The following LMO7 variants were observed in gnomAD, a reference collection of about 807,000 sequenced individuals.
LMO7 encodes LIM domain 7, also known as LIM domain only protein 7.
In LMO7, 120 loss-of-function variants were observed where a neutral mutation model predicts 206.5. That is an observed-to-expected ratio of 0.58 (90% confidence interval 0.50 to 0.68). The LOEUF (loss-of-function observed/expected upper bound fraction) is 0.68. Ranked by LOEUF, LMO7 falls within the 30% of genes least tolerant of loss-of-function variation. The probability of loss-of-function intolerance (pLI) is 0.00; values close to 1 mark genes in which losing one functional copy is unlikely to be tolerated. For missense variants in LMO7, 1,959 were observed against 1,957.9 expected (o/e 1.00, Z -0.01); for synonymous variants, 706 against 681.5 (o/e 1.04, Z -0.56).
intron 1 of LMO7, among the ~76,000 whole-genome samples, chr13:75,693,661 G>T (rs543920738): frequency 1.4e-4 from 21 of 152,282 alleles, no homozygotes; most frequent in Admixed American, 9.2e-4. Flanking sequence ...TCCTGTCAAG[G>T]CATTTGTTAG....
At chr13:75,654,511 G>A (rs1263666860) in intron 1 of LMO7, among the ~76,000 whole-genome samples, 1 of 152,162 alleles carries the variant, frequency 6.6e-6, no homozygotes, top group African/African-American at 2.4e-5. Flanking sequence ...CCTTGGCACA[G>A]GAAGGGAGGT....
intron 1 of LMO7, among the ~76,000 whole-genome samples, chr13:75,622,045 C>T (rs1314415829): frequency 6.6e-6 from 1 of 152,082 alleles, no homozygotes. Context: ...TATCCCCGGG[C>T]ATTTTCTTGT....
At chr13:75,728,786 T>G (rs959439040) in intron 3 of LMO7, among the ~76,000 whole-genome samples, 1 of 138,324 alleles carries the variant, frequency 7.2e-6, no homozygotes, top group Non-Finnish European at 1.5e-5. Context: ...TTAATCCATC[T>G]TGAATTAATT....
At chr13:75,754,345 T>G (rs1442437786) in intron 3 of LMO7, among the ~76,000 whole-genome samples, 2 of 152,216 alleles carry the variant, frequency 1.3e-5, no homozygotes, top group Non-Finnish European at 1.5e-5. Flanking sequence ...CTTCATTCCT[T>G]TTTATGGCTG....
At chr13:75,833,213 C>A in intron 16 of LMO7, 48 bp downstream of exon 16, 1 of 1,101,860 alleles carries the variant, frequency 9.1e-7, no homozygotes, top group Non-Finnish European at 1.4e-6. Context: ...CTTTTCTATC[C>A]TTCATTGTGG....
At position 75,626,975 on chromosome 13, in the gene LMO7, G is replaced by A. The variant is rs374865123; in HGVS notation, c.225+3655G>A. Reference sequence around the variant, plus strand: ...CTAAAATATTACTGCTATCCACCTTGTAGTCATAGAATAGGGGAATGAAGG... The same window carrying A: ...CTAAAATATTACTGCTATCCACCTTATAGTCATAGAATAGGGGAATGAAGG... On this transcript the variant is annotated intron_variant, in intron 2 of 29. Coordinates refer to the LMO7 transcript ENST00000341547. The A allele has an allele frequency of 1.7e-4, 26 of 152,182 alleles. No homozygotes were observed. In the East Asian group the frequency reaches 1.9e-3, roughly 11 times the overall value. 9.4% of individuals were successfully genotyped at this position (152,182 alleles called of 1,614,324 possible). A position where few individuals can be genotyped will look rare whatever the true frequency, so the allele number is the denominator to read the frequency against.
intron 30 of LMO7, 28 bp from the exon 31 acceptor site, chr13:75,857,893 T>A: frequency 6.4e-7 from 1 of 1,554,010 alleles, no homozygotes; most frequent in Non-Finnish European, 8.8e-7. Flanking sequence ...TCTAAGCACT[T>A]TTCTTTCTTT....
chr13:75,664,096 T>C (rs189696812), intron 1 of LMO7, among the ~76,000 whole-genome samples: 31 of 152,286 alleles, frequency 2.0e-4, no homozygotes, highest in African/African-American at 7.5e-4. Context: ...TTTGATTTTT[T>C]TGTAACCATT....
intron 1 of LMO7, among the ~76,000 whole-genome samples, chr13:75,667,448 A>G (rs1463932660): frequency 2.0e-5 from 3 of 152,044 alleles, no homozygotes; most frequent in African/African-American, 7.2e-5. Flanking sequence ...CACTTTTGTC[A>G]ATCTCTTATC....
At position 75,805,614 on chromosome 13, in the gene LMO7, T is replaced by C. The variant is rs773693552; in HGVS notation, c.1050T>C (p.Tyr350=). 5.6e-6 allele frequency: 9 copies of C among 1,614,082 alleles called. No homozygotes were observed. In the East Asian group the frequency reaches 1.8e-4, roughly 32 times the overall value. The change falls in exon 9 of 31, where the codon TAT becomes TAC. Residue 350 remains tyrosine (Y), a synonymous_variant. Transcript: ENST00000377534. ...CCAACATTGTAAAGGATGATCTTTATGTGCGCAAGCTCAGTCCAGTCATGC... is the reference window on the plus strand; with the variant it reads ...CCAACATTGTAAAGGATGATCTTTACGTGCGCAAGCTCAGTCCAGTCATGC... ...SIPNIVKDDL[Y]VRKLSPVMPN...
chr13:75,826,197 C>T (rs1053130348), intron 15 of LMO7, among the ~76,000 whole-genome samples: 11 of 151,988 alleles, frequency 7.2e-5, no homozygotes, highest in Non-Finnish European at 4.4e-5. Context: ...CATGCCACCA[C>T]GCCTGGCTAA....
chr13:75,626,392 C>A (rs554483039), intron 2 of LMO7, among the ~76,000 whole-genome samples: 4 of 151,158 alleles, frequency 2.6e-5, no homozygotes, highest in African/African-American at 9.7e-5. Flanking sequence ...CCTGATAAAC[C>A]CATCAGATCT....
rs777060964 is a variant in LMO7 at position 75,819,405 on chromosome 13, TG to T, written c.2079del (p.Trp693Ter). The T allele has an allele frequency of 6.2e-7, 1 of 1,604,350 alleles. No individual in the cohort carries two copies. Among genetic ancestry groups the T allele is most frequent in the Non-Finnish European group, 8.5e-7 (1 of 1,177,284 alleles). On this transcript the variant is annotated frameshift_variant, in exon 13 of 31. Coordinates refer to ENST00000377534, the MANE Select transcript of LMO7 (RefSeq NM_001306080.2). LOFTEE classifies it high-confidence loss of function. ...DQKWQDDLAKWKDRRKSYTSD... is the reference protein window; with the variant it reads ...DQKWQDDLAKXKDRRKSYTSD... ...ATTTTTCTGTCAGGACCTTGCAAAA[TG>T]GAAAGATCGTCGAAAAAGTTACACT...
chr13:75,636,164 C>A, upstream of LMO7: 1 of 352,404 alleles, frequency 2.8e-6, no homozygotes, highest in Non-Finnish European at 3.9e-6. Flanking sequence ...TGGCATCTCC[C>A]GGGCCAGACA....
intron 2 of LMO7, among the ~76,000 whole-genome samples, chr13:75,725,044 T>C (rs1271541369): frequency 6.6e-6 from 1 of 152,174 alleles, no homozygotes; most frequent in African/African-American, 2.4e-5. Flanking sequence ...AACTCATTAT[T>C]GGGAGACATC....
At chr13:75,764,999 T>C (rs972608392) in intron 4 of LMO7, among the ~76,000 whole-genome samples, 2 of 152,180 alleles carry the variant, frequency 1.3e-5, no homozygotes, top group African/African-American at 4.8e-5. Context: ...CACATGCTAG[T>C]TGCCAAAGGA....
chr13:75,748,335 T>C (rs533630863), intron 3 of LMO7, among the ~76,000 whole-genome samples: 1 of 152,318 alleles, frequency 6.6e-6, no homozygotes, highest in Admixed American at 6.5e-5. Context: ...TTCAAGAATC[T>C]AACTGCTGGA....
intron 3 of LMO7, among the ~76,000 whole-genome samples, chr13:75,744,385 T>C (rs1476979055): frequency 6.6e-6 from 1 of 152,228 alleles, no homozygotes; most frequent in Non-Finnish European, 1.5e-5. Context: ...AAGATGAACA[T>C]TTACTTGCCA....
chr13:75,760,429 G>A, intron 3 of LMO7: 2 of 1,122,920 alleles, frequency 1.8e-6, no homozygotes, highest in Non-Finnish European at 2.2e-6. Context: ...CCAGATTCCA[G>A]GTGTGGTATT....
Sources: gnomAD v4.1 joint callset for allele counts (sites outside exome capture counted in the v4.1 genomes callset) on GRCh38, gnomAD v4.1.1 for gene constraint, MANE v1.5 for transcripts, NCBI Gene and HGNC (gene_info 2026-07-23, HGNC 2026-07-21) for gene names.